LRRFIP1: variants seen among roughly 807,000 people sequenced by gnomAD.
LRRFIP1 encodes the protein leucine-rich repeat flightless-interacting protein 1.
LRRFIP1 carries 62 observed loss-of-function variants against 104.4 expected under a neutral mutation model. The observed-to-expected ratio is 0.59, with a 90% CI of 0.48 to 0.73. The LOEUF (loss-of-function observed/expected upper bound fraction) is 0.73, where lower values mean the gene tolerates loss of function less well. LRRFIP1 is among the 30% of genes least tolerant of loss of function. LRRFIP1 has a pLI of 0.00. For missense variants in LRRFIP1, 796 were observed against 824.5 expected, an observed-to-expected ratio of 0.97 and a Z score of 0.42; for synonymous variants, 300 against 299.0, an observed-to-expected ratio of 1.00 and a Z score of -0.03.
chr2:237,767,502 G>A (rs1470601536), intron 19 of LRRFIP1, among the ~76,000 whole-genome samples: 1 of 152,174 alleles, frequency 6.6e-6, no homozygotes, highest in Admixed American at 6.5e-5. Context: ...ATGGGTGTAT[G>A]TCAAAAATAT....
chr2:237,666,845 T>TTTTC lies in LRRFIP1; in HGVS notation c.96+39124_96+39127dup, dbSNP rs539733839. Among the ~76,000 whole-genome samples the TTTTC allele has an allele frequency of 3.5e-3, 527 of 148,816 alleles. 4 individuals carry two copies. Among genetic ancestry groups the TTTTC allele is most frequent in the African/African-American group, 0.011 (465 of 40,442 alleles). On this transcript the variant is annotated intron_variant, in intron 1 of 23. Transcript: ENST00000308482. ...TCCCTCCCTGCCTTCCTGCCTTCTT[T>TTTTC]TTTCTTTCTTTCTTTCTTTCTTCTC...
rs957463644 is a variant in LRRFIP1 at position 237,753,376 on chromosome 2, A to T, written c.935A>T (p.Glu312Val). 1 of 1,607,428 alleles carries T rather than the reference A, an allele frequency of 6.2e-7. No individual in the cohort carries two copies. ...AMVSNAQLDNEKTNFMYQVDT... is the reference protein window; with the variant it reads ...AMVSNAQLDNVKTNFMYQVDT... Reference sequence around the variant, plus strand: ...GTTTCCAATGCTCAGCTAGACAATGAAAAGACAAACTTCATGTACCAGGTT... The same window carrying T: ...GTTTCCAATGCTCAGCTAGACAATGTAAAGACAAACTTCATGTACCAGGTT... The change falls in exon 15 of 24, where the codon GAA becomes GTA. Residue 312 changes from glutamate (E) to valine (V), a missense_variant. By Grantham distance (121) the Glu-to-Val change is moderately radical. Transcript: ENST00000308482.
At chr2:237,713,734 G>A (rs2094208779) in intron 2 of LRRFIP1, among the ~76,000 whole-genome samples, 1 of 152,170 alleles carries the variant, frequency 6.6e-6, no homozygotes, top group South Asian at 2.1e-4. Flanking sequence ...GTCAATGTAT[G>A]ATAATAACCT....
rs1339984934 is a variant in LRRFIP1 at position 237,735,251 on chromosome 2, G to A, written c.490-17G>A. 2.5e-6 allele frequency: 4 copies of A among 1,611,432 alleles called. No individual in the cohort carries two copies. Among genetic ancestry groups the A allele is most frequent in the South Asian group, 2.2e-5 (2 of 90,920 alleles). On this transcript the variant is annotated splice_polypyrimidine_tract_variant and intron_variant, in intron 9 of 23. Coordinates refer to ENST00000308482, the MANE Select transcript of LRRFIP1 (RefSeq NM_001137550.2). This position sits in a 1 kb window ranked among gnomAD's most constrained non-coding sequence, Gnocchi z 4.6. ...GAAAGGAAGAGCGCCCATCCTGACA[G>A]TCTCTTTTGGTCGCAGGCGTCTGTG...
At chr2:237,645,138 G>A (rs1306547456) in intron 1 of LRRFIP1, among the ~76,000 whole-genome samples, 1 of 152,226 alleles carries the variant, frequency 6.6e-6, no homozygotes, top group Non-Finnish European at 1.5e-5. Context: ...TAGTGGGCCT[G>A]AGGTTAGAAC....
At chr2:237,635,240 T>C (rs1237627908) in intron 1 of LRRFIP1, among the ~76,000 whole-genome samples, 4 of 152,222 alleles carry the variant, frequency 2.6e-5, no homozygotes, top group Admixed American at 2.6e-4. Flanking sequence ...AGGTTAAAAA[T>C]AATTTTCCAA....
chr2:237,661,047 C>T lies in LRRFIP1; in HGVS notation c.96+33307C>T, dbSNP rs1012697131. 7.9e-5 allele frequency among the ~76,000 whole-genome samples: 12 copies of T among 152,234 alleles called. No individual in the cohort carries two copies. The South Asian group carries it at 2.1e-3, about 26-fold the overall frequency. On this transcript the variant is annotated intron_variant, in intron 1 of 23. Coordinates refer to ENST00000308482, the MANE Select transcript of LRRFIP1 (RefSeq NM_001137550.2). This position sits in a 1 kb window ranked among gnomAD's most constrained non-coding sequence, Gnocchi z 4.4. ...CCAGAGGCACGCAGTCCCTGTGCCC[C>T]GAGAAACTAACATGCCATCTCTGCT...
chr2:237,732,606 G>T (rs6720803), intron 8 of LRRFIP1, among the ~76,000 whole-genome samples: 19,510 of 152,178 alleles, frequency 0.13, 2,894 homozygotes, highest in African/African-American at 0.37. Flanking sequence ...TGTCAAATAA[G>T]TTAGAACCTA....
intron 1 of LRRFIP1, among the ~76,000 whole-genome samples, chr2:237,653,903 A>G (rs546844212): frequency 2.0e-5 from 3 of 152,394 alleles, no homozygotes; most frequent in Non-Finnish European, 4.4e-5. Flanking sequence ...TAAAACTAGT[A>G]GGAGAAAACA....
chr2:237,758,004 C>T (rs1218140386), intron 17 of LRRFIP1, among the ~76,000 whole-genome samples: 1 of 151,748 alleles, frequency 6.6e-6, no homozygotes, highest in Non-Finnish European at 1.5e-5. Context: ...CCTTCTCCCT[C>T]CACAAGAAGA....
At chr2:237,764,936 T>C in intron 19 of LRRFIP1, 3 of 985,574 alleles carry the variant, frequency 3.0e-6, no homozygotes, top group Non-Finnish European at 3.6e-6. Flanking sequence ...TTACATTTCC[T>C]ACTGCAGTAT....
Position 237,708,367 on chromosome 2 carries a change from GT to G in LRRFIP1, c.97-175del, listed in dbSNP as rs1399415877. 3.9e-5 allele frequency among the ~76,000 whole-genome samples: 6 copies of G among 152,358 alleles called. No individual in the cohort carries two copies. The East Asian group carries it at 1.2e-3, about 29-fold the overall frequency. On this transcript the variant is annotated intron_variant, in intron 1 of 23. Coordinates refer to ENST00000308482, the MANE Select transcript of LRRFIP1 (RefSeq NM_001137550.2). Reference sequence around the variant, plus strand: ...GGTAAGGACTTGATAAATGGTAGCAGTTCTTATAACTATTTCTATTGCTCCT... The same window carrying G: ...GGTAAGGACTTGATAAATGGTAGCAGTCTTATAACTATTTCTATTGCTCCT...
At chr2:237,754,188 C>T (rs3769060) in intron 15 of LRRFIP1, among the ~76,000 whole-genome samples, 40,328 of 152,024 alleles carry the variant, frequency 0.27, 5,607 homozygotes, top group East Asian at 0.53. Flanking sequence ...TGTTCTCTCT[C>T]AACACCATAG....
At chr2:237,722,035 C>T (rs1267556351) in intron 6 of LRRFIP1, 2 of 152,216 alleles carry the variant, frequency 1.3e-5, no homozygotes, top group African/African-American at 4.8e-5. Flanking sequence ...CCAGACATCA[C>T]AGCTGTTGAG....
At chr2:237,696,444 C>T (rs955712066) in intron 1 of LRRFIP1, among the ~76,000 whole-genome samples, 10 of 152,166 alleles carry the variant, frequency 6.6e-5, no homozygotes, top group African/African-American at 1.7e-4. Flanking sequence ...TTCTCTGAAC[C>T]GGATTTATAC....
chr2:237,670,062 G>C (rs1010605842), intron 1 of LRRFIP1, among the ~76,000 whole-genome samples: 2 of 152,206 alleles, frequency 1.3e-5, no homozygotes, highest in Non-Finnish European at 2.9e-5. Flanking sequence ...GTGGGAGATA[G>C]TTCTAATTTT....
chr2:237,780,867 A>C lies in LRRFIP1; in HGVS notation c.*1335A>C, dbSNP rs555162346. 1.3e-5 allele frequency among the ~76,000 whole-genome samples: 2 copies of C among 152,368 alleles called. No individual in the cohort carries two copies. Among genetic ancestry groups the C allele is most frequent in the African/African-American group, 4.8e-5 (2 of 41,596 alleles). ...CTATTAAAATACACAAGATTTTTGTATCTCCTTGTGCAGAGGATATTTGCC... is the reference window on the plus strand; with the variant it reads ...CTATTAAAATACACAAGATTTTTGTCTCTCCTTGTGCAGAGGATATTTGCC... On this transcript the variant is annotated 3_prime_UTR_variant, in exon 24 of 24. Transcript: ENST00000308482.
chr2:237,689,902 G>A (rs926485102), intron 1 of LRRFIP1, among the ~76,000 whole-genome samples: 4 of 152,228 alleles, frequency 2.6e-5, no homozygotes, highest in African/African-American at 9.6e-5. Flanking sequence ...CCGTGTTAGA[G>A]CCTTTGGTCC....
chr2:237,712,731 G>T (rs1224637514), intron 2 of LRRFIP1, among the ~76,000 whole-genome samples: 1 of 152,204 alleles, frequency 6.6e-6, no homozygotes, highest in Non-Finnish European at 1.5e-5. Flanking sequence ...AGCTAGTGGG[G>T]TCTGAGCTTG....
Sources: gnomAD v4.1 joint callset for allele counts (sites outside exome capture counted in the v4.1 genomes callset) on GRCh38, gnomAD v4.1.1 for gene constraint, Gnocchi (gnomAD v3.1) non-coding constraint, MANE v1.5 for transcripts, NCBI Gene and HGNC (gene_info 2026-07-23, HGNC 2026-07-21) for gene names.